KCNJ16: variants seen among roughly 807,000 people sequenced by gnomAD.
KCNJ16 encodes the protein inward rectifier potassium channel 16.
In KCNJ16, 15 loss-of-function variants were observed where a neutral mutation model predicts 18.5. The ratio of observed to expected loss-of-function variants is 0.81; its 90% CI spans 0.54 to 1.25. The LOEUF is 1.25. KCNJ16 is among the 50% of genes most tolerant of loss of function. The probability of loss-of-function intolerance (pLI) is 0.00; values close to 1 mark genes in which losing one functional copy is unlikely to be tolerated. For missense variants in KCNJ16, 523 were observed against 525.7 expected (o/e 0.99, Z 0.05); for synonymous variants, 174 against 186.5 (o/e 0.93, Z 0.55).
chr17:70,103,329 C>CACACACATATCACAA (rs1320255354), intron 2 of KCNJ16, among the ~76,000 whole-genome samples: 1 of 129,492 alleles, frequency 7.7e-6, no homozygotes, highest in East Asian at 2.2e-4. Context: ...TATACACACA[C>CACACACATATCACAA]ATATATATAT....
chr17:70,081,773 C>T (rs905728040), intron 1 of KCNJ16, among the ~76,000 whole-genome samples: 1 of 150,934 alleles, frequency 6.6e-6, no homozygotes, highest in Admixed American at 6.6e-5. Flanking sequence ...AAATTGTGTC[C>T]TTGAGATGTT....
chr17:70,079,754 GGGCAGT>G lies in KCNJ16; in HGVS notation c.-300+4369_-300+4374del, dbSNP rs559342878. ...GTCTCACTCTATTGCCTAGGCTAGA[GGGCAGT>G]GGCATGATCTCGGCCCACTGCAACC... is the stretch of plus-strand genomic sequence containing the variant. On this transcript the variant is annotated intron_variant, in intron 1 of 3. Coordinates refer to ENST00000392671, the MANE Select transcript of KCNJ16 (RefSeq NM_170741.4). 2.0e-5 allele frequency among the ~76,000 whole-genome samples: 3 copies of G among 152,230 alleles called. No homozygotes were observed. In the South Asian group the frequency reaches 6.2e-4, roughly 32 times the overall value.
At chr17:70,121,915 T>C (rs1175961024) in intron 2 of KCNJ16, among the ~76,000 whole-genome samples, 5 of 152,130 alleles carry the variant, frequency 3.3e-5, no homozygotes, top group Non-Finnish European at 7.3e-5. Context: ...GCCAAAATTA[T>C]GCCACTGCAC....
At chr17:70,129,787 T>C (rs2144264510) in intron 2 of KCNJ16, among the ~76,000 whole-genome samples, 1 of 152,336 alleles carries the variant, frequency 6.6e-6, no homozygotes, top group Non-Finnish European at 1.5e-5. Flanking sequence ...CTTGTATTAA[T>C]TGAAAATTCA....
In KCNJ16 at chr17:70,132,735, T is replaced by G; in HGVS notation, c.648T>G (p.Val216=). Residue 216 remains valine, a synonymous_variant, in exon 4 of 4, where the codon GTT becomes GTG. Coordinates refer to ENST00000392671, the MANE Select transcript of KCNJ16 (RefSeq NM_170741.4). ...FRPNHVVEGT[V]RAQLLRYTED... ...CAAACCACGTGGTAGAAGGAACAGT[T>G]AGAGCCCAACTTCTCCGCTATACAG... is the stretch of plus-strand genomic sequence containing the variant. The G allele has an allele frequency of 6.2e-7, 1 of 1,614,024 alleles. No individual in the cohort carries two copies. Among genetic ancestry groups the G allele is most frequent in the Non-Finnish European group, 8.5e-7 (1 of 1,180,032 alleles).
intron 2 of KCNJ16, among the ~76,000 whole-genome samples, chr17:70,117,957 T>C (rs1196383562): frequency 6.6e-6 from 1 of 152,190 alleles, no homozygotes; most frequent in Non-Finnish European, 1.5e-5. Flanking sequence ...GTAGTAAATA[T>C]TTTAAGCTTT....
intron 2 of KCNJ16, among the ~76,000 whole-genome samples, chr17:70,104,260 C>G (rs2072807848): frequency 1.3e-5 from 2 of 152,160 alleles, no homozygotes; most frequent in South Asian, 4.1e-4. Flanking sequence ...GCCACTGCAC[C>G]TGGCAAGTAA....
At chr17:70,121,074 G>A (rs1315841917) in intron 2 of KCNJ16, among the ~76,000 whole-genome samples, 2 of 152,166 alleles carry the variant, frequency 1.3e-5, no homozygotes, top group African/African-American at 4.8e-5. Context: ...GTTTGTCTGG[G>A]TGTGGCATGA....
chr17:70,106,517 A>T (rs934103366), intron 2 of KCNJ16, among the ~76,000 whole-genome samples: 1 of 152,210 alleles, frequency 6.6e-6, no homozygotes, highest in Non-Finnish European at 1.5e-5. Context: ...TCTCAGTAAT[A>T]TACCAAGTGG....
At chr17:70,113,003 G>GA (rs924181133) in intron 2 of KCNJ16, among the ~76,000 whole-genome samples, 57 of 152,168 alleles carry the variant, frequency 3.7e-4, no homozygotes, top group African/African-American at 1.3e-3. Context: ...CAACAACCCA[G>GA]AATGTTTTCC....
At chr17:70,118,726 C>CG (rs2073514824) in intron 2 of KCNJ16, among the ~76,000 whole-genome samples, 1 of 152,076 alleles carries the variant, frequency 6.6e-6, no homozygotes, top group African/African-American at 2.4e-5. Context: ...AAACACAAAA[C>CG]ACCTCCCACC....
intron 2 of KCNJ16, among the ~76,000 whole-genome samples, chr17:70,122,660 GA>G (rs143452618): frequency 2.0e-3 from 309 of 152,236 alleles, no homozygotes; most frequent in Non-Finnish European, 3.3e-3. Context: ...GAAACAAGAG[GA>G]AAGGCAAAAT....
At chr17:70,126,636 G>A (rs2073864733) in intron 2 of KCNJ16, among the ~76,000 whole-genome samples, 1 of 152,162 alleles carries the variant, frequency 6.6e-6, no homozygotes, top group African/African-American at 2.4e-5. Context: ...CCTGGAACTG[G>A]GGTCCGCCTC....
intron 2 of KCNJ16, among the ~76,000 whole-genome samples, chr17:70,129,831 G>A (rs11651001): frequency 0.018 from 2,728 of 152,228 alleles, 38 homozygotes; most frequent in Non-Finnish European, 0.025. Flanking sequence ...AGAGGCTTGT[G>A]TATAGCAGTT....
chr17:70,132,706 CG>C lies in KCNJ16; in HGVS notation c.621del (p.Pro208GlnfsTer5), dbSNP rs1183712054. On this transcript the variant is annotated frameshift_variant, in exon 4 of 4. Coordinates refer to ENST00000392671, the MANE Select transcript of KCNJ16 (RefSeq NM_170741.4). LOFTEE classifies it high-confidence loss of function. ...CCTCATGTGGCGCATTGGTGATTTT[CG>C]GCCAAACCACGTGGTAGAAGGAACA... is the stretch of plus-strand genomic sequence containing the variant. ...LCLMWRIGDF[R>X]PNHVVEGTVR... The C allele has an allele frequency of 3.1e-6, 5 of 1,614,008 alleles. No homozygotes were observed. Among genetic ancestry groups the C allele is most frequent in the Non-Finnish European group, 4.2e-6 (5 of 1,180,036 alleles).
chr17:70,106,343 A>G (rs934009578), intron 2 of KCNJ16, among the ~76,000 whole-genome samples: 1 of 152,170 alleles, frequency 6.6e-6, no homozygotes, highest in African/African-American at 2.4e-5. Flanking sequence ...CTCCTTTTCA[A>G]AAGCCTTTAC....
intron 1 of KCNJ16, among the ~76,000 whole-genome samples, chr17:70,090,542 C>A (rs2072037507): frequency 1.3e-5 from 2 of 152,160 alleles, no homozygotes; most frequent in African/African-American, 4.8e-5. Context: ...ATACGATAGA[C>A]ATTGAAAAAC....
rs147216245 is a variant in KCNJ16, at chr17:70,095,870, C to CTT, written c.-299-4759_-299-4758dup. Among the ~76,000 whole-genome samples the CTT allele has an allele frequency of 3.5e-4, 33 of 95,390 alleles. 3 individuals carry two copies. The highest frequency in any genetic ancestry group is 1.5e-3 in the South Asian group (4 of 2,698). 62.6% of individuals were successfully genotyped at this position (95,390 alleles called of 152,430 possible). A position where few individuals can be genotyped will look rare whatever the true frequency, so the allele number is the denominator to read the frequency against. On this transcript the variant is annotated intron_variant, in intron 1 of 3. Coordinates refer to ENST00000392671, the MANE Select transcript of KCNJ16 (RefSeq NM_170741.4). ...ATTTGGCATTTTATATTACTTAATC[C>CTT]TTTTTTTTTTTTTTTTTTTTTTTTT...
At chr17:70,126,183 G>C (rs1598177741) in intron 2 of KCNJ16, among the ~76,000 whole-genome samples, 1 of 152,294 alleles carries the variant, frequency 6.6e-6, no homozygotes, top group East Asian at 1.9e-4. Flanking sequence ...TATCTTTAAA[G>C]TGAAACTGAT....
Sources: gnomAD v4.1 joint callset for allele counts (sites outside exome capture counted in the v4.1 genomes callset) on GRCh38, gnomAD v4.1.1 for gene constraint, MANE v1.5 for transcripts, NCBI Gene and HGNC (gene_info 2026-07-23, HGNC 2026-07-21) for gene names.